ZNF335: variants seen among roughly 807,000 people sequenced by gnomAD.
ZNF335 encodes NRC-interacting factor 1.
Under a neutral mutation model 145.6 loss-of-function variants are expected in ZNF335, and 84 were observed. The observed-to-expected ratio is 0.58, with a 90% CI of 0.48 to 0.69. The LOEUF (loss-of-function observed/expected upper bound fraction) is 0.69. Among genes scored for constraint, ZNF335 ranks in the 30% least tolerant of loss-of-function variants. The pLI, the probability that ZNF335 is intolerant of heterozygous loss-of-function variation, is 0.00. For missense variants in ZNF335, 1,865 were observed against 1,809.7 expected, an observed-to-expected ratio of 1.03 and a Z score of -0.55; for synonymous variants, 761 against 717.0, an observed-to-expected ratio of 1.06 and a Z score of -0.98.
Position 45,957,869 on chromosome 20 carries a change from G to A in ZNF335, c.2313C>T (p.Asp771=). ...SSEAPSLLCS[D]TLGGATIIYQ... is the part of the protein sequence containing the mutation. The stretch of plus-strand genomic sequence containing the variant: ...AGATGATGGTGGCGCCGCCCAGGGT[G>A]TCAGAACAGAGCAATGAGGGAGCCT... Residue 771 remains aspartate, a synonymous_variant, in exon 16 of 28, where the codon GAC becomes GAT. Transcript: ENST00000322927. The A allele has an allele frequency of 1.2e-6, 2 of 1,613,944 alleles. No individual in the cohort carries two copies. The highest frequency in any genetic ancestry group is 2.2e-5 in the South Asian group (2 of 91,084).
chr20:45,959,361 C>T lies in ZNF335; in HGVS notation c.2093G>A (p.Arg698Gln), dbSNP rs1445571158. The T allele has an allele frequency of 1.1e-5, 17 of 1,582,552 alleles. No individual in the cohort carries two copies. The highest frequency in any genetic ancestry group is 1.7e-4 in the Middle Eastern group (1 of 5,970). Residue 698 changes from arginine to glutamine, a missense_variant, in exon 15 of 28, where the codon CGG becomes CAG. Coordinates refer to ENST00000322927, the MANE Select transcript of ZNF335 (RefSeq NM_022095.4). ...RHKKNLRLHV[R>Q]CRHASSFEEW... is the part of the protein sequence containing the mutation. ...CTCGAAGCTGCTTGCGTGTCGGCAC[C>T]GTACGTGCAGGCGCAGGTTCTTCTT...
At position 45,950,050 on chromosome 20, in the gene ZNF335, G is replaced by A. The variant is rs141812371; in HGVS notation, c.3507C>T (p.His1169=). The A allele has an allele frequency of 7.3e-4, 1,178 of 1,613,904 alleles. 7 individuals carry two copies. The African/African-American group carries it at 0.013, about 18-fold the overall frequency. The change falls in exon 23 of 28, where the codon CAC becomes CAT. Residue 1169 remains histidine (H), a synonymous_variant. Coordinates refer to ENST00000322927, the MANE Select transcript of ZNF335 (RefSeq NM_022095.4). ...GTAGCCGCTCTGGGCCCAGGACCCC[G>A]TGACTGGACTGGAGTGCAGCTGGGC... The part of the protein sequence containing the change: ...ATLHTALQSS[H]GVLGPERLQQ...
chr20:45,957,816 A>G lies in ZNF335; in HGVS notation c.2347+19T>C, dbSNP rs780086981. 3.7e-6 allele frequency: 6 copies of G among 1,612,304 alleles called. No homozygotes were observed. In the South Asian group the frequency reaches 5.5e-5, roughly 15 times the overall value. On this transcript the variant is annotated intron_variant, in intron 16 of 27. Coordinates refer to ENST00000322927, the MANE Select transcript of ZNF335 (RefSeq NM_022095.4). ...GAGGTCCTACCCTCCATGAGCTCCTATCCTCCTACAGAGCTCACCTTGCTG... is the reference window on the plus strand; with the variant it reads ...GAGGTCCTACCCTCCATGAGCTCCTGTCCTCCTACAGAGCTCACCTTGCTG...
At chr20:45,968,195 G>A in intron 4 of ZNF335, 90 bp downstream of exon 4, 1 of 1,523,268 alleles carries the variant, frequency 6.6e-7, no homozygotes, top group Non-Finnish European at 9.0e-7. Flanking sequence ...TACCCAGCCA[G>A]GGCCACAGAC....
rs59901407 is a variant in ZNF335, at chr20:45,971,225, G to A, written c.186C>T (p.Arg62=). ...DDSGVGQSSD[R]GSRSQEEVSE... is the part of the protein sequence containing the mutation. ...GGGTCCATACCTGAGAACGGCTGCC[G>A]CGGTCCGAGCTTTGCCCCACGCCAG... Residue 62 remains arginine, a synonymous_variant, in exon 2 of 28, where the codon CGC becomes CGT. Coordinates refer to ENST00000322927, the MANE Select transcript of ZNF335 (RefSeq NM_022095.4). The A allele has an allele frequency of 4.1e-4, 633 of 1,542,956 alleles. 3 individuals carry two copies. The African/African-American group carries it at 7.8e-3, about 19-fold the overall frequency.
chr20:45,950,180 TACCCTGTTGCCC>T (rs779635129), intron 22 of ZNF335, 27 bp downstream of exon 22: 11 of 1,565,380 alleles, frequency 7.0e-6, no homozygotes, highest in Non-Finnish European at 8.7e-6. Context: ...TCTCTGGATC[TACCCTGTTGCCC>T]ACCCTGTGGC....
In ZNF335 at chr20:45,969,532, C is replaced by T. The variant is rs375438170; in HGVS notation, c.361G>A (p.Asp121Asn). 81 of 1,591,506 alleles carry T rather than the reference C, an allele frequency of 5.1e-5. No individual in the cohort carries two copies. Among genetic ancestry groups the T allele is most frequent in the African/African-American group, 8.0e-5 (6 of 74,708 alleles). The change falls in exon 3 of 28, where the codon GAC becomes AAC. Residue 121 changes from aspartate to asparagine, a missense_variant. Physicochemically the swap from Asp to Asn is conservative, Grantham distance 23 (BLOSUM62 1). Transcript: ENST00000322927. ...ALPDPNMLVS[D>N]CTASSSDLGS... ...AGGTCCGAGGAGGAAGCTGTGCAGT[C>T]GGACACCAGCATGTTGGGGTCTGGG...
chr20:45,963,443 A>G (rs957680516), intron 9 of ZNF335, 30 bp downstream of exon 9: 12 of 1,592,556 alleles, frequency 7.5e-6, no homozygotes, highest in Non-Finnish European at 1.0e-5. Context: ...TCACCCTCCC[A>G]TGAGCCCCAA....
At chr20:45,957,804 C>T (rs1254286540) in intron 16 of ZNF335, 31 bp downstream of exon 16, 7 of 1,612,172 alleles carry the variant, frequency 4.3e-6, no homozygotes, top group East Asian at 2.2e-5. Flanking sequence ...GTCCTACCCT[C>T]CATGAGCTCC....
intron 14 of ZNF335, 50 bp from the exon 15 acceptor site, chr20:45,959,483 C>T (rs1369626991): frequency 7.6e-7 from 1 of 1,316,790 alleles, no homozygotes; most frequent in African/African-American, 1.5e-5. Context: ...CCTAGCCTAC[C>T]CCCTCCAGGA....
Position 45,960,888 on chromosome 20 carries a change from G to A in ZNF335, c.1647-6C>T, listed in dbSNP as rs756851821. On this transcript the variant is annotated splice_region_variant and splice_polypyrimidine_tract_variant and intron_variant, in intron 10 of 27. Transcript: ENST00000322927. ...CCGGATCTGGCCTCTTCTTCCTGTG[G>A]GGAAAAGGCCGAGGAATTAGACCAG... The A allele has an allele frequency of 6.2e-7, 1 of 1,613,584 alleles. No individual in the cohort carries two copies. Among genetic ancestry groups the A allele is most frequent in the South Asian group, 1.1e-5 (1 of 90,982 alleles).
chr20:45,949,913 T>G, intron 23 of ZNF335, 36 bp from the exon 24 acceptor site: 1 of 1,614,066 alleles, frequency 6.2e-7, no homozygotes, highest in Non-Finnish European at 8.5e-7. Context: ...CTCATTTCTC[T>G]ACCCCAACCC....
intron 14 of ZNF335, among the ~76,000 whole-genome samples, 199 bp from the exon 15 acceptor site, chr20:45,959,632 C>G (rs771717223): frequency 9.9e-5 from 15 of 152,176 alleles, no homozygotes; most frequent in Non-Finnish European, 1.3e-4. Context: ...CACTCAAGAG[C>G]CTTCCTGTGC....
rs201865334 is a variant in ZNF335, at chr20:45,959,161, C to T, written c.2253+40G>A. 6.4e-5 allele frequency: 84 copies of T among 1,310,964 alleles called. No homozygotes were observed. In the African/African-American group the frequency reaches 9.7e-4, roughly 15 times the overall value. The allele number at this position is 1,310,964 out of a possible 1,614,324, so 81.2% of individuals were successfully genotyped here. On this transcript the variant is annotated intron_variant, in intron 15 of 27. Transcript: ENST00000322927. ...CAAATGATGCTGGGGCTGGGAGAAG[C>T]GGCCTCACTCTGTCATCCTGACCCA...
At position 45,952,422 on chromosome 20, in the gene ZNF335, G is replaced by C. The variant is rs768697029; in HGVS notation, c.2914C>G (p.Pro972Ala). The change falls in exon 20 of 28, where the codon CCT becomes GCT. Residue 972 changes from proline (P) to alanine (A), a missense_variant. Transcript: ENST00000322927. The part of the protein sequence containing the change: ...LQCGGLPRDG[P>A]EPPSPAKTHC... Reference sequence around the variant, plus strand: ...GTCTTGGCTGGAGATGGGGGCTCAGGGCCGTCTCTGGGCAGTCCCCCACAC... The same window carrying C: ...GTCTTGGCTGGAGATGGGGGCTCAGCGCCGTCTCTGGGCAGTCCCCCACAC... 1.3e-6 allele frequency: 2 copies of C among 1,576,554 alleles called. No homozygotes were observed. Among genetic ancestry groups the C allele is most frequent in the South Asian group, 2.4e-5 (2 of 84,992 alleles).
rs1368195268 is a variant in ZNF335, at chr20:45,957,627, TCAG to T, written c.2398_2400del (p.Leu800del). ...CCCAGTTCCCGCTGAGCACTCATGT[TCAG>T]CAGAAGATCCAAGGCTGTCTGCGTG... On this transcript the variant is annotated inframe_deletion, in exon 17 of 28. Coordinates refer to ENST00000322927, the MANE Select transcript of ZNF335 (RefSeq NM_022095.4). 8 of 1,614,180 alleles carry T rather than the reference TCAG, an allele frequency of 5.0e-6. No individual in the cohort carries two copies. Among genetic ancestry groups the T allele is most frequent in the African/African-American group, 1.3e-5 (1 of 75,048 alleles).
At chr20:45,962,018 C>T in intron 10 of ZNF335, 52 bp downstream of exon 10, 1 of 1,055,150 alleles carries the variant, frequency 9.5e-7, no homozygotes, top group Non-Finnish European at 1.5e-6. Flanking sequence ...GCCTCCACTT[C>T]CCCACCCAAC....
chr20:45,972,154 T>TCCGGCATCGACGAGG lies in ZNF335; in HGVS notation c.-98_-84dup. On this transcript the variant is annotated 5_prime_UTR_variant, in exon 1 of 28. In the 5' UTR this introduces an upstream ATG that the reference lacks. Coordinates refer to ENST00000322927, the MANE Select transcript of ZNF335 (RefSeq NM_022095.4). Reference sequence around the variant, plus strand: ...TTTCGTAGCCACGTTCCTCTCTGACTCCGGCATCGACGAGGTCGCCATCCT... The same window carrying TCCGGCATCGACGAGG: ...TTTCGTAGCCACGTTCCTCTCTGACTCCGGCATCGACGAGGCCGGCATCGACGAGGTCGCCATCCT... The TCCGGCATCGACGAGG allele has an allele frequency of 7.8e-7, 1 of 1,289,246 alleles. No individual in the cohort carries two copies. Among genetic ancestry groups the TCCGGCATCGACGAGG allele is most frequent in the Non-Finnish European group, 1.0e-6 (1 of 988,596 alleles). The allele number at this position is 1,289,246 out of a possible 1,614,324, so 79.9% of individuals were successfully genotyped here.
chr20:45,957,746 C>T, intron 16 of ZNF335, 66 bp from the exon 17 acceptor site: 1 of 1,604,462 alleles, frequency 6.2e-7, no homozygotes, highest in Non-Finnish European at 8.5e-7. Flanking sequence ...CACCCCCTCC[C>T]CATCTTCCAG....
Sources: allele counts gnomAD v4.1 joint callset (sites outside exome capture counted in the v4.1 genomes callset), GRCh38; gene constraint gnomAD v4.1.1; transcripts MANE v1.5; gene names NCBI Gene and HGNC (gene_info 2026-07-23, HGNC 2026-07-21).